The following ARHGAP42 variants were observed in gnomAD, a reference collection of about 807,000 sequenced individuals.
The protein encoded by ARHGAP42 is rho GTPase-activating protein 42.
ARHGAP42 carries 63 observed loss-of-function variants against 125.0 expected under a neutral mutation model. That is an observed-to-expected ratio of 0.50 (90% CI 0.41 to 0.62). The LOEUF (loss-of-function observed/expected upper bound fraction) is 0.62, where lower values mean the gene tolerates loss of function less well. Among genes scored for constraint, ARHGAP42 ranks in the 20% least tolerant of loss-of-function variants. The pLI is 0.00. For missense variants in ARHGAP42, 766 were observed against 1,024.2 expected, an observed-to-expected ratio of 0.75 and a Z score of 3.44; for synonymous variants, 339 against 351.0, an observed-to-expected ratio of 0.97 and a Z score of 0.38.
chr11:100,831,872 A>G (rs1864670474), intron 3 of ARHGAP42, among the ~76,000 whole-genome samples: 1 of 152,252 alleles, frequency 6.6e-6, no homozygotes. Flanking sequence ...ATACTTCAAG[A>G]TAAAAGCTAA....
At chr11:100,789,599 C>T (rs1863518142) in intron 2 of ARHGAP42, among the ~76,000 whole-genome samples, 1 of 152,202 alleles carries the variant, frequency 6.6e-6, no homozygotes, top group Admixed American at 6.5e-5. Context: ...GGCTCCAAAC[C>T]AAGCATGTGC....
At chr11:100,963,120 A>G (rs1281925180) in intron 16 of ARHGAP42, among the ~76,000 whole-genome samples, 1 of 152,210 alleles carries the variant, frequency 6.6e-6, no homozygotes, top group Non-Finnish European at 1.5e-5. Flanking sequence ...ACAGACGATT[A>G]TGTCCCTGCA....
In ARHGAP42 at chr11:100,989,028, G is replaced by GA. The variant is rs2135339169; in HGVS notation, c.*232dup. On this transcript the variant is annotated 3_prime_UTR_variant, in exon 24 of 24. Coordinates refer to ENST00000298815, the MANE Select transcript of ARHGAP42 (RefSeq NM_152432.4). ...TCTTATTTTAAAATATCTTACTTGT[G>GA]AAAAATGTGTTTTTGGATAATATGT... The GA allele has an allele frequency of 2.0e-6, 1 of 497,728 alleles. No homozygotes were observed. The highest frequency in any genetic ancestry group is 1.9e-5 in the African/African-American group (1 of 52,908). 30.8% of individuals were successfully genotyped at this position (497,728 alleles called of 1,614,324 possible). A position where few individuals can be genotyped will look rare whatever the true frequency, so the allele number is the denominator to read the frequency against.
intron 3 of ARHGAP42, among the ~76,000 whole-genome samples, chr11:100,849,065 A>G (rs1395010346): frequency 2.0e-5 from 3 of 152,244 alleles, no homozygotes; most frequent in African/African-American, 7.2e-5. Flanking sequence ...AATTCAAGCC[A>G]TGGCCTAAGG....
intron 3 of ARHGAP42, among the ~76,000 whole-genome samples, chr11:100,854,615 C>G (rs1428650146): frequency 4.6e-5 from 7 of 152,084 alleles, no homozygotes. Flanking sequence ...ATCCTCTATA[C>G]CTCGTGTGAG....
At chr11:100,903,117 G>GCACACACACACACACA (rs1555021069) in intron 4 of ARHGAP42, among the ~76,000 whole-genome samples, 3,803 of 131,926 alleles carry the variant, frequency 0.029, 92 homozygotes, top group Non-Finnish European at 0.037. Context: ...TCCAAGATGC[G>GCACACACACACACACA]CACACACACA....
At chr11:100,773,259 C>T (rs1863024817) in intron 2 of ARHGAP42, among the ~76,000 whole-genome samples, 2 of 152,152 alleles carry the variant, frequency 1.3e-5, no homozygotes, top group Admixed American at 6.6e-5. Flanking sequence ...ATAAATTGTT[C>T]ACTAAATGAC....
chr11:100,808,558 AC>A (rs1864059353), intron 3 of ARHGAP42, among the ~76,000 whole-genome samples: 1 of 151,210 alleles, frequency 6.6e-6, no homozygotes, highest in African/African-American at 2.4e-5. Context: ...GGCGCCCGCC[AC>A]CGCGCCCGGC....
chr11:100,863,621 G>A (rs1295300389), intron 4 of ARHGAP42, among the ~76,000 whole-genome samples: 1 of 152,142 alleles, frequency 6.6e-6, no homozygotes, highest in Non-Finnish European at 1.5e-5. Context: ...ATTAGTAATG[G>A]GGTTGTTGAA....
chr11:100,845,062 G>A (rs189305989), intron 3 of ARHGAP42, among the ~76,000 whole-genome samples: 2 of 151,342 alleles, frequency 1.3e-5, no homozygotes, highest in Admixed American at 6.6e-5. Context: ...TCAACAAGTG[G>A]ATAAAGAAAC....
At chr11:100,824,682 A>T (rs1323402921) in intron 3 of ARHGAP42, among the ~76,000 whole-genome samples, 1 of 152,218 alleles carries the variant, frequency 6.6e-6, no homozygotes, top group East Asian at 1.9e-4. Context: ...ATCATCATAG[A>T]TGACAGATTT....
chr11:100,805,381 T>C (rs963320521), intron 3 of ARHGAP42, among the ~76,000 whole-genome samples: 3 of 152,182 alleles, frequency 2.0e-5, no homozygotes, highest in Non-Finnish European at 4.4e-5. Context: ...TTCAATATCT[T>C]ACAAAAATTA....
chr11:100,766,079 A>G (rs1320145848), intron 1 of ARHGAP42, among the ~76,000 whole-genome samples: 1 of 152,228 alleles, frequency 6.6e-6, no homozygotes, highest in Non-Finnish European at 1.5e-5. Flanking sequence ...TCATCTAATC[A>G]TGGAAGCTGG....
intron 1 of ARHGAP42, among the ~76,000 whole-genome samples, chr11:100,713,170 A>G (rs1861593733): frequency 6.6e-6 from 1 of 152,220 alleles, no homozygotes; most frequent in Non-Finnish European, 1.5e-5. Context: ...CATTTCTGGC[A>G]CAGGTTTAAG....
chr11:100,757,001 A>T (rs1357595927), intron 1 of ARHGAP42, among the ~76,000 whole-genome samples: 1 of 152,196 alleles, frequency 6.6e-6, no homozygotes, highest in Admixed American at 6.5e-5. Context: ...TAAACATAAG[A>T]TGCATATCTT....
intron 1 of ARHGAP42, among the ~76,000 whole-genome samples, chr11:100,704,387 C>T (rs1398384353): frequency 1.3e-5 from 2 of 152,124 alleles, no homozygotes; most frequent in East Asian, 1.9e-4. Context: ...AAAGGCCAGC[C>T]TCGGAGGTTA....
Position 100,987,609 on chromosome 11 carries a change from C to A in ARHGAP42, c.2536+17C>A, listed in dbSNP as rs1481274515. 2 of 1,547,636 alleles carry A rather than the reference C, an allele frequency of 1.3e-6. No homozygotes were observed. ...TTTCTAATGGTAAGTATGTCAATTCCCTCTGCCTAAGTTTGTCATCATGGG... is the reference window on the plus strand; with the variant it reads ...TTTCTAATGGTAAGTATGTCAATTCACTCTGCCTAAGTTTGTCATCATGGG... On this transcript the variant is annotated intron_variant, in intron 23 of 23. Coordinates refer to ENST00000298815, the MANE Select transcript of ARHGAP42 (RefSeq NM_152432.4).
At chr11:100,797,379 C>A (rs768461951) in intron 3 of ARHGAP42, among the ~76,000 whole-genome samples, 1 of 152,136 alleles carries the variant, frequency 6.6e-6, no homozygotes, top group Non-Finnish European at 1.5e-5. Context: ...TGTCTGGCTT[C>A]AAAGGATGGG....
intron 3 of ARHGAP42, among the ~76,000 whole-genome samples, chr11:100,841,560 C>A (rs1864947440): frequency 6.6e-6 from 1 of 152,180 alleles, no homozygotes; most frequent in Admixed American, 6.6e-5. Context: ...TGGTAGTCAG[C>A]AGAGAATTAA....
Sources: gnomAD v4.1 joint callset for allele counts (sites outside exome capture counted in the v4.1 genomes callset) on GRCh38, gnomAD v4.1.1 for gene constraint, MANE v1.5 for transcripts, NCBI Gene and HGNC (gene_info 2026-07-23, HGNC 2026-07-21) for gene names.